Variants in SCN1A observed in about 807,000 individuals in gnomAD.
SCN1A encodes the protein sodium voltage-gated channel alpha subunit 1.
SCN1A carries 13 observed loss-of-function variants against 193.7 expected under a neutral mutation model. The observed-to-expected ratio is 0.07, with a 90% CI of 0.04 to 0.11. The LOEUF (loss-of-function observed/expected upper bound fraction) is 0.11, where lower values mean the gene tolerates loss of function less well. Among genes scored for constraint, SCN1A ranks in the 10% least tolerant of loss-of-function variants. SCN1A has a pLI of 1.00. For missense variants in SCN1A, 1,432 were observed against 2,451.1 expected (o/e 0.58, Z 8.78); for synonymous variants, 781 against 843.6 (o/e 0.93, Z 1.29).
At position 166,042,369 on chromosome 2, in the gene SCN1A, G is replaced by A; in HGVS notation, c.2099C>T (p.Ser700Phe). ...RKRRSSSFHVSMDFLEDPSQR... is the reference protein window; with the variant it reads ...RKRRSSSFHVFMDFLEDPSQR... The stretch of plus-strand genomic sequence containing the variant: ...GGAAGGATCTTCTAGAAAGTCCATG[G>A]AAACGTGGAAAGAACTTGACCTTCT... The change falls in exon 15 of 29, where the codon TCC becomes TTC. Residue 700 changes from serine to phenylalanine, a missense_variant. Ser to Phe is a radical substitution (Grantham distance 155). Transcript: ENST00000674923. The A allele has an allele frequency of 1.2e-6, 2 of 1,613,820 alleles. No individual in the cohort carries two copies.
In SCN1A at chr2:166,007,344, AC is replaced by A. The variant is rs1260713650; in HGVS notation, c.4002+2374del. 3.3e-5 allele frequency: 5 copies of A among 151,282 alleles called. No individual in the cohort carries two copies. In the Admixed American group the frequency reaches 3.3e-4, roughly 10 times the overall value. 9.4% of individuals were successfully genotyped at this position (151,282 alleles called of 1,614,324 possible). ...TGTTATTAGTTAGAAATCTGATATG[AC>A]AGAACATTTGGTGTTACTTTTTGTT... On this transcript the variant is annotated intron_variant, in intron 23 of 28. Transcript: ENST00000674923.
At chr2:166,138,387 G>T (rs1574645952) in intron 1 of SCN1A, among the ~76,000 whole-genome samples, 1 of 152,354 alleles carries the variant, frequency 6.6e-6, no homozygotes, top group Middle Eastern at 3.4e-3. Context: ...TCATGGGCCA[G>T]GCCCAGAGTT....
At chr2:166,124,225 A>G (rs1441873411) in intron 2 of SCN1A, among the ~76,000 whole-genome samples, 1 of 151,520 alleles carries the variant, frequency 6.6e-6, no homozygotes, top group African/African-American at 2.4e-5. Context: ...TCTATCTTCT[A>G]TTGTACAGGA....
chr2:166,078,460 T>C (rs1338614297), intron 2 of SCN1A, among the ~76,000 whole-genome samples: 2 of 151,426 alleles, frequency 1.3e-5, no homozygotes, highest in African/African-American at 2.4e-5. Flanking sequence ...GTGCGAGATA[T>C]TGATAGTTGG....
chr2:166,002,436 CAA>C, intron 24 of SCN1A, 34 bp downstream of exon 24: 1 of 1,578,660 alleles, frequency 6.3e-7, no homozygotes, highest in Non-Finnish European at 8.7e-7. Flanking sequence ...TTATTCCAAA[CAA>C]TAAAAATATT....
intron 5 of SCN1A, 33 bp from the exon 6 acceptor site, chr2:166,056,533 A>G (rs773797087): frequency 1.4e-6 from 2 of 1,449,372 alleles, no homozygotes; most frequent in South Asian, 2.3e-5. Context: ...ACAAAAGAAA[A>G]TCAAAATCCA....
At chr2:166,095,328 CTG>C (rs1361377962) in intron 2 of SCN1A, among the ~76,000 whole-genome samples, 1 of 152,158 alleles carries the variant, frequency 6.6e-6, no homozygotes, top group Non-Finnish European at 1.5e-5. Context: ...AGGGTAGAAA[CTG>C]TAATAGAATA....
At chr2:166,019,340 T>A (rs1194992153) in intron 19 of SCN1A, among the ~76,000 whole-genome samples, 2 of 152,172 alleles carry the variant, frequency 1.3e-5, no homozygotes, top group African/African-American at 2.4e-5. Flanking sequence ...AAACATTTTT[T>A]AAGCAATATA....
chr2:166,010,253 A>T (rs540203766), intron 22 of SCN1A, among the ~76,000 whole-genome samples: 42 of 151,354 alleles, frequency 2.8e-4, no homozygotes, highest in African/African-American at 9.6e-4. Flanking sequence ...GTACTAAAAA[A>T]AGCAGGAAGT....
At chr2:166,011,062 A>G (rs994405346) in intron 22 of SCN1A, among the ~76,000 whole-genome samples, 17 of 151,202 alleles carry the variant, frequency 1.1e-4, no homozygotes, top group African/African-American at 3.9e-4. Flanking sequence ...TGAAACCTCA[A>G]TATTACAAAC....
At chr2:166,103,454 T>G in intron 2 of SCN1A, among the ~76,000 whole-genome samples, 1 of 50,522 alleles carries the variant, frequency 2.0e-5, no homozygotes, top group East Asian at 4.7e-4. Context: ...CTGTCTTAAA[T>G]AAATAAATAA....
At chr2:166,124,146 ACTGAAAG>A (rs1690958844) in intron 2 of SCN1A, among the ~76,000 whole-genome samples, 1 of 152,014 alleles carries the variant, frequency 6.6e-6, no homozygotes, top group Non-Finnish European at 1.5e-5. Context: ...CTATCACCAG[ACTGAAAG>A]CTGCATGTGG....
At chr2:166,083,791 T>C (rs28460462) in intron 2 of SCN1A, among the ~76,000 whole-genome samples, 191 of 152,330 alleles carry the variant, frequency 1.3e-3, no homozygotes, top group African/African-American at 4.5e-3. Context: ...AGGGAATTCC[T>C]TTGAACAAAT....
chr2:165,990,642 A>G lies in SCN1A; in HGVS notation c.*603T>C, dbSNP rs1299530493. ...AATTTAAGAATTTGTTTTTCTTGTG[A>G]CTTTTTCTCATGCATGATCTCTAAG... On this transcript the variant is annotated 3_prime_UTR_variant, in exon 29 of 29. Coordinates refer to ENST00000674923, the MANE Select transcript of SCN1A (RefSeq NM_001165963.4). The G allele has an allele frequency of 2.6e-5, 4 of 152,604 alleles. No individual in the cohort carries two copies. The highest frequency in any genetic ancestry group is 9.7e-5 in the African/African-American group (4 of 41,410). The allele number at this position is 152,604 out of a possible 1,614,324, so 9.5% of individuals were successfully genotyped here. A position where few individuals can be genotyped will look rare whatever the true frequency, so the allele number is the denominator to read the frequency against.
At chr2:166,147,093 C>T (rs1037693430) in intron 1 of SCN1A, among the ~76,000 whole-genome samples, 7 of 152,124 alleles carry the variant, frequency 4.6e-5, no homozygotes, top group African/African-American at 1.4e-4. Flanking sequence ...ATCCCTAGAG[C>T]TTCTGACTCA....
At chr2:166,082,152 A>G (rs921752132) in intron 2 of SCN1A, among the ~76,000 whole-genome samples, 2 of 152,014 alleles carry the variant, frequency 1.3e-5, no homozygotes, top group African/African-American at 4.8e-5. Context: ...AATAAATGGC[A>G]AAGATTTAAA....
rs1187500830 is a variant in SCN1A at position 165,989,559 on chromosome 2, G to A, written c.*1686C>T. 4 of 152,244 alleles carry A rather than the reference G, an allele frequency of 2.6e-5. No homozygotes were observed. Among genetic ancestry groups the A allele is most frequent in the African/African-American group, 9.7e-5 (4 of 41,430 alleles). 9.4% of individuals were successfully genotyped at this position (152,244 alleles called of 1,614,324 possible). A position where few individuals can be genotyped will look rare whatever the true frequency, so the allele number is the denominator to read the frequency against. ...TTTTAAACCCTTTTCCAATTGCAAA[G>A]CATAATTTGGATATGAATCGTGAAC... On this transcript the variant is annotated 3_prime_UTR_variant, in exon 29 of 29. Coordinates refer to ENST00000674923, the MANE Select transcript of SCN1A (RefSeq NM_001165963.4).
chr2:166,011,901 A>G (rs893946722), intron 22 of SCN1A, among the ~76,000 whole-genome samples: 1 of 151,320 alleles, frequency 6.6e-6, no homozygotes. Context: ...CTAGAGAACT[A>G]CCATAGATTC....
chr2:166,126,705 G>A (rs1335688843), intron 2 of SCN1A, among the ~76,000 whole-genome samples: 1 of 152,130 alleles, frequency 6.6e-6, no homozygotes, highest in Non-Finnish European at 1.5e-5. Flanking sequence ...ACAGCAATTG[G>A]CAATTTGCAA....
Sources: allele counts gnomAD v4.1 joint callset (sites outside exome capture counted in the v4.1 genomes callset), GRCh38; gene constraint gnomAD v4.1.1; transcripts MANE v1.5; gene names NCBI Gene and HGNC (gene_info 2026-07-23, HGNC 2026-07-21).